LRP6: variants seen among roughly 807,000 people sequenced by gnomAD.
The protein encoded by LRP6 is LDL receptor related protein 6, also known as low-density lipoprotein receptor-related protein 6.
Under a neutral mutation model 184.1 loss-of-function variants are expected in LRP6, and 43 were observed. The observed-to-expected ratio is 0.23, with a 90% CI of 0.18 to 0.30. LRP6 has a LOEUF of 0.30. Among genes scored for constraint, LRP6 ranks in the 10% least tolerant of loss-of-function variants. The pLI, the probability that LRP6 is intolerant of heterozygous loss-of-function variation, is 1.00. For missense variants in LRP6, 1,571 were observed against 2,005.3 expected (o/e 0.78, Z 4.14); for synonymous variants, 719 against 684.9 (o/e 1.05, Z -0.78).
At chr12:12,229,592 T>C (rs1864728071) in intron 2 of LRP6, among the ~76,000 whole-genome samples, 1 of 152,218 alleles carries the variant, frequency 6.6e-6, no homozygotes, top group Admixed American at 6.5e-5. Context: ...AGAATCTACC[T>C]TAGAAACCTG....
intron 2 of LRP6, among the ~76,000 whole-genome samples, chr12:12,206,111 T>G (rs750937940): frequency 2.0e-5 from 3 of 152,186 alleles, no homozygotes; most frequent in African/African-American, 7.2e-5. Context: ...CCCAGGTGTA[T>G]AGCAGGCTGT....
In LRP6 at chr12:12,240,388, A is replaced by G. The variant is rs150727532; in HGVS notation, c.449+3874T>C. On this transcript the variant is annotated intron_variant, in intron 2 of 22. Transcript: ENST00000261349. ...GGAGATCGAGACCATCCTGGCTAAC[A>G]TGGCAAAACCCGTCTCTACTAAAAA... Among the ~76,000 whole-genome samples, 891 of 152,166 alleles carry G rather than the reference A, an allele frequency of 5.9e-3. 7 individuals carry two copies. Among genetic ancestry groups the G allele is most frequent in the Non-Finnish European group, 9.1e-3 (622 of 68,012 alleles).
chr12:12,185,867 A>G (rs570715389), intron 4 of LRP6, among the ~76,000 whole-genome samples: 2 of 146,040 alleles, frequency 1.4e-5, no homozygotes, highest in African/African-American at 5.0e-5. Flanking sequence ...TTTTTGAGAC[A>G]TAATTTCTTT....
chr12:12,218,449 G>T (rs1864403615), intron 2 of LRP6, among the ~76,000 whole-genome samples: 1 of 150,112 alleles, frequency 6.7e-6, no homozygotes, highest in Non-Finnish European at 1.5e-5. Flanking sequence ...TACATTCCAG[G>T]CTGGGGAACA....
chr12:12,188,116 G>A (rs1863522423), intron 3 of LRP6, among the ~76,000 whole-genome samples: 1 of 151,440 alleles, frequency 6.6e-6, no homozygotes, highest in Non-Finnish European at 1.5e-5. Context: ...GAAGGCTGAG[G>A]CAGAGAACTG....
At chr12:12,145,973 G>C (rs1175016360) in intron 15 of LRP6, among the ~76,000 whole-genome samples, 1 of 151,932 alleles carries the variant, frequency 6.6e-6, no homozygotes, top group Non-Finnish European at 1.5e-5. Context: ...CATACACTGT[G>C]TATACACAGT....
intron 19 of LRP6, among the ~76,000 whole-genome samples, chr12:12,128,991 T>C (rs929058297): frequency 2.6e-5 from 4 of 152,238 alleles, no homozygotes; most frequent in Non-Finnish European, 1.5e-5. Context: ...CCTTTTTAAA[T>C]TACAGGCTGC....
intron 4 of LRP6, 145 bp from the exon 5 acceptor site, chr12:12,184,256 G>C (rs1036943088): frequency 5.8e-6 from 4 of 688,332 alleles, no homozygotes; most frequent in African/African-American, 3.6e-5. Flanking sequence ...TGCAAAGACA[G>C]GAATTAATCA....
intron 1 of LRP6, among the ~76,000 whole-genome samples, chr12:12,263,306 T>A (rs28539400): frequency 1.3e-5 from 2 of 149,202 alleles, no homozygotes; most frequent in African/African-American, 4.9e-5. Context: ...CCGGGCGTGG[T>A]GGCTCACGCC....
At chr12:12,242,893 C>CCAAAT (rs144496151) in intron 2 of LRP6, among the ~76,000 whole-genome samples, 29,828 of 151,956 alleles carry the variant, frequency 0.2, 3,601 homozygotes, top group African/African-American at 0.34. Flanking sequence ...ACCTCTGTAA[C>CCAAAT]CAGGCCTGAT....
chr12:12,253,813 A>T (rs148371475), intron 1 of LRP6, among the ~76,000 whole-genome samples: 1 of 152,200 alleles, frequency 6.6e-6, no homozygotes, highest in East Asian at 1.9e-4. Context: ...AGCACTTGCA[A>T]ATCAGCTACA....
At chr12:12,237,252 G>C (rs1864951025) in intron 2 of LRP6, among the ~76,000 whole-genome samples, 1 of 152,168 alleles carries the variant, frequency 6.6e-6, no homozygotes, top group African/African-American at 2.4e-5. Flanking sequence ...CCAGGGGACT[G>C]AGACCAAATA....
intron 12 of LRP6, among the ~76,000 whole-genome samples, chr12:12,152,151 T>C (rs1056400338): frequency 6.6e-6 from 1 of 152,092 alleles, no homozygotes; most frequent in Non-Finnish European, 1.5e-5. Flanking sequence ...TGAATAAGTC[T>C]CATGAGATCT....
intron 1 of LRP6, among the ~76,000 whole-genome samples, chr12:12,245,417 T>C (rs542587876): frequency 7.2e-5 from 11 of 152,086 alleles, no homozygotes; most frequent in African/African-American, 2.7e-4. Context: ...TGTCTCAAAA[T>C]AGGGAAAGAA....
At chr12:12,204,118 T>C (rs932252953) in intron 2 of LRP6, among the ~76,000 whole-genome samples, 5 of 152,142 alleles carry the variant, frequency 3.3e-5, no homozygotes, top group Non-Finnish European at 7.4e-5. Context: ...TCATGTGATA[T>C]ACCTTTACAG....
chr12:12,116,923 A>G lies in LRP6; in HGVS notation c.*4203T>C, dbSNP rs1328996383. ...TGAGACGTAGATCAAGTCAGACAAT[A>G]GCCTGAGAGTGTGAATTCACAATAC... is the stretch of plus-strand genomic sequence containing the variant. On this transcript the variant is annotated 3_prime_UTR_variant, in exon 23 of 23. Coordinates refer to ENST00000261349, the MANE Select transcript of LRP6 (RefSeq NM_002336.3). The G allele has an allele frequency of 6.6e-6, 1 of 152,236 alleles. No homozygotes were observed. Among genetic ancestry groups the G allele is most frequent in the Non-Finnish European group, 1.5e-5 (1 of 68,050 alleles). 9.4% of individuals were successfully genotyped at this position (152,236 alleles called of 1,614,324 possible).
intron 1 of LRP6, among the ~76,000 whole-genome samples, chr12:12,246,423 T>G (rs1865185869): frequency 6.6e-6 from 1 of 151,580 alleles, no homozygotes; most frequent in Non-Finnish European, 1.5e-5. Context: ...GCAGCAAAAG[T>G]AAGACCAAGC....
intron 15 of LRP6, chr12:12,138,769 G>C (rs1226028134): frequency 8.0e-6 from 12 of 1,491,316 alleles, no homozygotes; most frequent in Admixed American, 2.0e-5. Context: ...AAATATTCTA[G>C]TTCATAGAAA....
intron 2 of LRP6, among the ~76,000 whole-genome samples, chr12:12,232,057 T>G (rs1296678541): frequency 3.3e-5 from 5 of 151,582 alleles, no homozygotes; most frequent in Non-Finnish European, 7.4e-5. Flanking sequence ...TTGAGATCTG[T>G]GCAATTTACT....
Sources: gnomAD v4.1 joint callset for allele counts (sites outside exome capture counted in the v4.1 genomes callset) on GRCh38, gnomAD v4.1.1 for gene constraint, MANE v1.5 for transcripts, NCBI Gene and HGNC (gene_info 2026-07-23, HGNC 2026-07-21) for gene names.